ARSK: variants seen among roughly 807,000 people sequenced by gnomAD.
ARSK encodes the protein arylsulfatase family member K, also known as arylsulfatase K.
In ARSK, 37 loss-of-function variants were observed where a neutral mutation model predicts 53.2. The ratio of observed to expected loss-of-function variants is 0.70; its 90% confidence interval spans 0.54 to 0.92. The LOEUF (loss-of-function observed/expected upper bound fraction) is 0.92, where lower values mean the gene tolerates loss of function less well. Ranked by LOEUF, ARSK falls within the 40% of genes least tolerant of loss-of-function variation. The pLI is 0.00. For missense variants in ARSK, 613 were observed against 643.0 expected (o/e 0.95, Z 0.51); for synonymous variants, 208 against 223.2 (o/e 0.93, Z 0.61).
At chr5:95,556,264 ATTAC>A (rs1266585794) in intron 1 of ARSK, 1 of 701,634 alleles carries the variant, frequency 1.4e-6, no homozygotes. Flanking sequence ...TTTTGAAAAT[ATTAC>A]TTAAAGTTAT....
chr5:95,579,266 T>C (rs1748980529), intron 3 of ARSK, among the ~76,000 whole-genome samples: 1 of 152,166 alleles, frequency 6.6e-6, no homozygotes, highest in Non-Finnish European at 1.5e-5. Context: ...ATTAGTCTGT[T>C]CTCATGCTGC....
At chr5:95,591,768 T>A in intron 6 of ARSK, 143 bp downstream of exon 6, 2 of 722,094 alleles carry the variant, frequency 2.8e-6, no homozygotes, top group Non-Finnish European at 4.7e-6. Context: ...CAACTGTGAG[T>A]CAAATCTGTA....
At chr5:95,603,100 A>G (rs573316549) in intron 7 of ARSK, 137 bp from the exon 8 acceptor site, 1 of 632,764 alleles carries the variant, frequency 1.6e-6, no homozygotes, top group Non-Finnish European at 2.5e-6. Context: ...TACCATTTAT[A>G]CTGTCCTTCA....
chr5:95,595,130 G>C (rs1352122029), intron 6 of ARSK, among the ~76,000 whole-genome samples: 1 of 152,128 alleles, frequency 6.6e-6, no homozygotes, highest in Non-Finnish European at 1.5e-5. Flanking sequence ...AAACCACAAT[G>C]AGATAGCATC....
At chr5:95,578,487 T>C (rs1478080066) in intron 3 of ARSK, among the ~76,000 whole-genome samples, 2 of 152,202 alleles carry the variant, frequency 1.3e-5, no homozygotes, top group South Asian at 2.1e-4. Flanking sequence ...GGAATGAATA[T>C]AGATCCTTTT....
At chr5:95,576,244 G>A (rs2112426393) in intron 3 of ARSK, among the ~76,000 whole-genome samples, 1 of 141,326 alleles carries the variant, frequency 7.1e-6, no homozygotes, top group Admixed American at 7.3e-5. Flanking sequence ...CTGTCACTAG[G>A]CTGGAGTGCA....
chr5:95,576,668 TG>T (rs1181237860), intron 3 of ARSK, among the ~76,000 whole-genome samples: 1 of 151,584 alleles, frequency 6.6e-6, no homozygotes, highest in African/African-American at 2.4e-5. Flanking sequence ...GTGGATCACT[TG>T]GGCTCAGGAG....
intron 6 of ARSK, among the ~76,000 whole-genome samples, chr5:95,593,301 C>T (rs1048806199): frequency 7.2e-5 from 11 of 152,032 alleles, no homozygotes; most frequent in East Asian, 3.9e-4. Flanking sequence ...ATTCTTTCTC[C>T]GTTTTTCCCT....
At position 95,556,293 on chromosome 5, in the gene ARSK, C is replaced by T. The variant is rs935789923; in HGVS notation, c.126+889C>T. Reference sequence around the variant, plus strand: ...CTTAAAGTTATCTTTGTGATTTAAACTTAGAGAATGGGCAGTACTGGAAAT... The same window carrying T: ...CTTAAAGTTATCTTTGTGATTTAAATTTAGAGAATGGGCAGTACTGGAAAT... On this transcript the variant is annotated intron_variant, in intron 1 of 7. Coordinates refer to ENST00000380009, the MANE Select transcript of ARSK (RefSeq NM_198150.3). The T allele has an allele frequency of 2.9e-5, 20 of 699,304 alleles. No individual in the cohort carries two copies. The Admixed American group carries it at 4.0e-4, about 14-fold the overall frequency. The allele number at this position is 699,304 out of a possible 1,614,324, so 43.3% of individuals were successfully genotyped here.
At chr5:95,577,155 A>T (rs1319874574) in intron 3 of ARSK, among the ~76,000 whole-genome samples, 2 of 152,154 alleles carry the variant, frequency 1.3e-5, no homozygotes, top group African/African-American at 4.8e-5. Flanking sequence ...TCTGGCAATA[A>T]CCCACCCGCT....
chr5:95,569,948 A>G (rs1265910586), intron 3 of ARSK, among the ~76,000 whole-genome samples: 1 of 152,170 alleles, frequency 6.6e-6, no homozygotes, highest in Non-Finnish European at 1.5e-5. Context: ...GCATTGCCAA[A>G]TGTAGTCAGT....
intron 4 of ARSK, among the ~76,000 whole-genome samples, chr5:95,585,787 C>A (rs776037001): frequency 6.6e-6 from 1 of 151,980 alleles, no homozygotes; most frequent in Non-Finnish European, 1.5e-5. Flanking sequence ...TGCAACCACG[C>A]CTGTTCCCCA....
At chr5:95,566,256 A>G (rs1748726128) in intron 2 of ARSK, 129 bp downstream of exon 2, 1 of 1,179,116 alleles carries the variant, frequency 8.5e-7, no homozygotes, top group Admixed American at 3.0e-5. Context: ...AATATAAAAG[A>G]TGTGCATTTT....
intron 5 of ARSK, 139 bp from the exon 6 acceptor site, chr5:95,591,262 C>T: frequency 5.5e-6 from 4 of 732,346 alleles, no homozygotes; most frequent in Non-Finnish European, 6.7e-6. Flanking sequence ...TTAGACTTAA[C>T]TTGAGAACAG....
Position 95,583,172 on chromosome 5 carries a change from C to G in ARSK, c.673C>G (p.His225Asp). 1 of 1,588,160 alleles carries G rather than the reference C, an allele frequency of 6.3e-7. No individual in the cohort carries two copies. Among genetic ancestry groups the G allele is most frequent in the South Asian group, 1.1e-5 (1 of 87,090 alleles). The change falls in exon 4 of 8, where the codon CAC becomes GAC. Residue 225 changes from histidine to aspartate, a missense_variant. Physicochemically the swap from His to Asp is moderately conservative, Grantham distance 81. Transcript: ENST00000380009. ...SGENFGSSTF[H>D]TSLYWLEKVS... ...AGAAAATTTTGGATCTTCAACATTTCACACATCTCTTTATTGGCTTGAAAA... is the reference window on the plus strand; with the variant it reads ...AGAAAATTTTGGATCTTCAACATTTGACACATCTCTTTATTGGCTTGAAAA...
chr5:95,603,600 G>T lies in ARSK; in HGVS notation c.*74G>T. ...AAGATCATAATTATGTATTTTAAAT[G>T]AAACAGTTTTAATAATTACCAAGTT... On this transcript the variant is annotated 3_prime_UTR_variant, in exon 8 of 8. Coordinates refer to ENST00000380009, the MANE Select transcript of ARSK (RefSeq NM_198150.3). 2 of 1,335,132 alleles carry T rather than the reference G, an allele frequency of 1.5e-6. No homozygotes were observed. The highest frequency in any genetic ancestry group is 9.8e-7 in the Non-Finnish European group (1 of 1,016,996). 82.7% of individuals were successfully genotyped at this position (1,335,132 alleles called of 1,614,324 possible).
Position 95,603,293 on chromosome 5 carries a change from A to T in ARSK, c.1378A>T (p.Thr460Ser). Residue 460 changes from threonine (T) to serine (S), a missense_variant, in exon 8 of 8, where the codon ACT (threonine) becomes TCT (serine). By Grantham distance (58) the Thr-to-Ser change is moderately conservative. Coordinates refer to ENST00000380009, the MANE Select transcript of ARSK (RefSeq NM_198150.3). ...TNVAVKFPEI[T>S]YSLDQKLHSI... ...TGTTGCTGTAAAATTTCCAGAAATTACTTATTCTTTGGATCAGAAGCTTCA... is the reference window on the plus strand; with the variant it reads ...TGTTGCTGTAAAATTTCCAGAAATTTCTTATTCTTTGGATCAGAAGCTTCA... 1 of 1,600,204 alleles carries T rather than the reference A, an allele frequency of 6.2e-7. No individual in the cohort carries two copies. Among genetic ancestry groups the T allele is most frequent in the Non-Finnish European group, 8.5e-7 (1 of 1,174,684 alleles).
chr5:95,593,856 A>G (rs1334632286), intron 6 of ARSK, among the ~76,000 whole-genome samples: 1 of 152,088 alleles, frequency 6.6e-6, no homozygotes. Context: ...CTAAAACTAT[A>G]GTTTTATATA....
chr5:95,594,037 T>G (rs1749261145), intron 6 of ARSK, among the ~76,000 whole-genome samples: 1 of 152,200 alleles, frequency 6.6e-6, no homozygotes. Flanking sequence ...AATTAACATC[T>G]TCGTGGCTTA....
Sources: gnomAD v4.1 joint callset for allele counts (sites outside exome capture counted in the v4.1 genomes callset) on GRCh38, gnomAD v4.1.1 for gene constraint, MANE v1.5 for transcripts, NCBI Gene and HGNC (gene_info 2026-07-23, HGNC 2026-07-21) for gene names.